The following ADORA2B variants were observed in gnomAD, a reference collection of about 807,000 sequenced individuals.
ADORA2B encodes adenosine receptor A2b.
Under a neutral mutation model 20.8 loss-of-function variants are expected in ADORA2B, and 18 were observed. The ratio of observed to expected loss-of-function variants is 0.87; its 90% CI spans 0.60 to 1.29. ADORA2B has a LOEUF of 1.29. Among genes scored for constraint, ADORA2B ranks in the 50% most tolerant of loss-of-function variants. ADORA2B has a pLI of 0.00. For missense variants in ADORA2B, 441 were observed against 422.7 expected (o/e 1.04, Z -0.38); for synonymous variants, 179 against 178.3 (o/e 1.00, Z -0.03).
At chr17:15,867,494 AG>A in the ADORA2B span, among the ~76,000 whole-genome samples, 1 of 142,298 alleles carries the variant, frequency 7.0e-6, no homozygotes, top group Non-Finnish European at 1.5e-5. Context: ...AGAAGTGAGG[AG>A]CCCCTCTGCC....
At chr17:15,874,181 G>A in the ADORA2B span, among the ~76,000 whole-genome samples, 4 of 151,256 alleles carry the variant, frequency 2.6e-5, no homozygotes, top group East Asian at 7.8e-4. Flanking sequence ...CAACTTGGAT[G>A]GAGCTGGAGG....
the ADORA2B span, among the ~76,000 whole-genome samples, chr17:15,851,959 A>G: frequency 6.6e-5 from 10 of 152,358 alleles, no homozygotes; most frequent in South Asian, 2.1e-3. Flanking sequence ...TAAGTAAATG[A>G]ACAATAATAA....
At chr17:15,928,436 T>G in the ADORA2B span, among the ~76,000 whole-genome samples, 1 of 151,912 alleles carries the variant, frequency 6.6e-6, no homozygotes, top group Non-Finnish European at 1.5e-5. Flanking sequence ...GGAGCCAGAT[T>G]CCAGGCACAC....
chr17:15,909,180 C>T, the ADORA2B span, among the ~76,000 whole-genome samples: 6 of 136,624 alleles, frequency 4.4e-5, no homozygotes, highest in East Asian at 2.0e-4. Context: ...AGCAACAGAG[C>T]GAGACTACGT....
At chr17:15,919,567 G>T in the ADORA2B span, among the ~76,000 whole-genome samples, 5 of 152,182 alleles carry the variant, frequency 3.3e-5, no homozygotes, top group South Asian at 8.3e-4. Context: ...TACAAGCTGT[G>T]CCAGGGCAGG....
At chr17:15,946,287 A>G (rs192027698) in intron 1 of ADORA2B, among the ~76,000 whole-genome samples, 2 of 152,306 alleles carry the variant, frequency 1.3e-5, no homozygotes, top group African/African-American at 2.4e-5. Flanking sequence ...TTGTGTAACT[A>G]TTTATCTCCT....
chr17:15,922,191 T>C, the ADORA2B span, among the ~76,000 whole-genome samples: 1 of 152,248 alleles, frequency 6.6e-6, no homozygotes, highest in Non-Finnish European at 1.5e-5. Flanking sequence ...TACACACTGG[T>C]AACTACTGTT....
chr17:15,891,883 TG>T, the ADORA2B span, among the ~76,000 whole-genome samples: 1 of 145,820 alleles, frequency 6.9e-6, no homozygotes, highest in African/African-American at 2.6e-5. Flanking sequence ...AATCTCCCTC[TG>T]TCGCCTAGGC....
At chr17:15,916,676 C>T in the ADORA2B span, among the ~76,000 whole-genome samples, 7 of 152,194 alleles carry the variant, frequency 4.6e-5, no homozygotes, top group Non-Finnish European at 7.3e-5. Context: ...TTACCAGGCC[C>T]AGGGAGTGGT....
chr17:15,908,115 T>G, the ADORA2B span, among the ~76,000 whole-genome samples: 2 of 152,144 alleles, frequency 1.3e-5, no homozygotes, highest in African/African-American at 2.4e-5. Flanking sequence ...ACTTGCTCTG[T>G]CCACCCAGAG....
At chr17:15,856,172 C>T in the ADORA2B span, among the ~76,000 whole-genome samples, 4 of 151,934 alleles carry the variant, frequency 2.6e-5, no homozygotes, top group South Asian at 8.3e-4. Flanking sequence ...CTCACGAGAT[C>T]TGATGGTTTT....
At chr17:15,933,938 G>C in the ADORA2B span, among the ~76,000 whole-genome samples, 1 of 152,158 alleles carries the variant, frequency 6.6e-6, no homozygotes, top group African/African-American at 2.4e-5. Context: ...CTTGATCTTA[G>C]AGGGAATGCT....
chr17:15,939,850 ACT>A, the ADORA2B span, among the ~76,000 whole-genome samples: 14 of 133,844 alleles, frequency 1.0e-4, no homozygotes, highest in South Asian at 3.4e-3. Flanking sequence ...ACAGAGCGAG[ACT>A]CTGTCTCAAA....
At chr17:15,850,390 T>C in the ADORA2B span, 1 of 152,178 alleles carries the variant, frequency 6.6e-6, no homozygotes, top group African/African-American at 2.4e-5. Flanking sequence ...TCCACTCAGC[T>C]AACTCCTCCT....
At chr17:15,879,028 A>G in the ADORA2B span, among the ~76,000 whole-genome samples, 1 of 151,974 alleles carries the variant, frequency 6.6e-6, no homozygotes, top group Non-Finnish European at 1.5e-5. Flanking sequence ...ACTCTTATTG[A>G]TGAAGAGACA....
At chr17:15,947,271 C>T (rs1209166927) in intron 1 of ADORA2B, among the ~76,000 whole-genome samples, 1 of 152,230 alleles carries the variant, frequency 6.6e-6, no homozygotes, top group African/African-American at 2.4e-5. Flanking sequence ...AGAGCAGTCA[C>T]AAGCCCCAGC....
chr17:15,941,496 G>A (rs988649491), upstream of ADORA2B, among the ~76,000 whole-genome samples: 1 of 152,140 alleles, frequency 6.6e-6, no homozygotes, highest in South Asian at 2.1e-4. Context: ...GGGAGGCTGA[G>A]ATGGGAGGAT....
upstream of ADORA2B, among the ~76,000 whole-genome samples, chr17:15,941,521 G>A (rs12103931): frequency 0.068 from 10,288 of 151,778 alleles, 1,183 homozygotes; most frequent in African/African-American, 0.23. Flanking sequence ...TGAGCCCAGG[G>A]GTTCAAGACC....
the ADORA2B span, among the ~76,000 whole-genome samples, chr17:15,857,731 CAGG>C: frequency 3.3e-5 from 5 of 151,900 alleles, no homozygotes; most frequent in African/African-American, 9.7e-5. Flanking sequence ...CCATTTGGAA[CAGG>C]AGCATTTATT....
Sources: allele counts gnomAD v4.1 joint callset (sites outside exome capture counted in the v4.1 genomes callset), GRCh38; gene constraint gnomAD v4.1.1; transcripts MANE v1.5; gene names NCBI Gene and HGNC (gene_info 2026-07-23, HGNC 2026-07-21).